The following POFUT3 variants were observed in gnomAD, a reference collection of about 807,000 sequenced individuals.
The protein encoded by POFUT3 is GDP-fucose protein O-fucosyltransferase 3.
chr8:33,326,970 G>T, the POFUT3 span, among the ~76,000 whole-genome samples: 1 of 152,188 alleles, frequency 6.6e-6, no homozygotes, highest in East Asian at 1.9e-4. Flanking sequence ...AGAGATAGGG[G>T]TCTCACTATG....
the POFUT3 span, among the ~76,000 whole-genome samples, chr8:33,329,793 G>A: frequency 3.1e-4 from 47 of 152,228 alleles, 1 homozygote; most frequent in African/African-American, 1.1e-3. Flanking sequence ...TCTTATAAAT[G>A]GGTCTTTCAT....
At chr8:33,335,809 C>T in the POFUT3 span, among the ~76,000 whole-genome samples, 35 of 152,014 alleles carry the variant, frequency 2.3e-4, no homozygotes, top group Non-Finnish European at 5.0e-4. Flanking sequence ...AATATATTTA[C>T]TATTTATTAA....
the POFUT3 span, among the ~76,000 whole-genome samples, chr8:33,383,966 A>T: frequency 1.3e-5 from 2 of 152,046 alleles, no homozygotes; most frequent in Non-Finnish European, 2.9e-5. Flanking sequence ...AAAACAGATA[A>T]ATCATGGTAG....
At chr8:33,361,511 T>A in the POFUT3 span, 2 of 152,218 alleles carry the variant, frequency 1.3e-5, no homozygotes, top group Non-Finnish European at 2.9e-5. Context: ...TTCTATCATA[T>A]GAGGCGTCCA....
At chr8:33,452,233 C>T in the POFUT3 span, 1 of 152,022 alleles carries the variant, frequency 6.6e-6, no homozygotes, top group Non-Finnish European at 1.5e-5. Flanking sequence ...CTAACAATAA[C>T]ATAAACAATG....
chr8:33,404,560 G>C, the POFUT3 span, among the ~76,000 whole-genome samples: 1 of 152,038 alleles, frequency 6.6e-6, no homozygotes, highest in African/African-American at 2.4e-5. Context: ...GAACAAAACA[G>C]GTCTGCCTGC....
chr8:33,430,444 G>A, the POFUT3 span, among the ~76,000 whole-genome samples: 1 of 152,016 alleles, frequency 6.6e-6, no homozygotes, highest in Non-Finnish European at 1.5e-5. Context: ...GCAAACTGCT[G>A]AACATCATGT....
At chr8:33,387,388 A>G in the POFUT3 span, among the ~76,000 whole-genome samples, 4 of 152,228 alleles carry the variant, frequency 2.6e-5, no homozygotes, top group Non-Finnish European at 5.9e-5. Flanking sequence ...AGAGCCCCAT[A>G]TGGTATACAT....
the POFUT3 span, among the ~76,000 whole-genome samples, chr8:33,379,148 G>A: frequency 5.9e-5 from 9 of 151,670 alleles, no homozygotes; most frequent in East Asian, 1.4e-3. Context: ...TTTGCTTTTC[G>A]CCATGATTGT....
the POFUT3 span, among the ~76,000 whole-genome samples, chr8:33,356,475 GA>G: frequency 6.6e-6 from 1 of 151,968 alleles, no homozygotes; most frequent in Non-Finnish European, 1.5e-5. Flanking sequence ...GTCTTCTTTT[GA>G]GAAGTGTCTG....
the POFUT3 span, among the ~76,000 whole-genome samples, chr8:33,336,365 T>C: frequency 6.6e-6 from 1 of 152,238 alleles, no homozygotes; most frequent in African/African-American, 2.4e-5. Flanking sequence ...GGATAGGTAC[T>C]GGAAAATTAT....
the POFUT3 span, among the ~76,000 whole-genome samples, chr8:33,353,134 C>G: frequency 2.0e-5 from 3 of 152,212 alleles, no homozygotes; most frequent in South Asian, 6.2e-4. Flanking sequence ...AAACTCAACT[C>G]CACCATATTC....
At chr8:33,428,410 T>C in the POFUT3 span, among the ~76,000 whole-genome samples, 1 of 152,224 alleles carries the variant, frequency 6.6e-6, no homozygotes, top group Non-Finnish European at 1.5e-5. Context: ...TATAATTTTA[T>C]AGGAAAGACC....
chr8:33,392,508 C>T, the POFUT3 span, among the ~76,000 whole-genome samples: 60 of 151,874 alleles, frequency 4.0e-4, no homozygotes, highest in African/African-American at 1.0e-3. Flanking sequence ...GAACTGGGGA[C>T]GCAGAGGTTG....
chr8:33,455,625 A>C, the POFUT3 span: 37 of 284,012 alleles, frequency 1.3e-4, no homozygotes, highest in Non-Finnish European at 2.4e-4. Flanking sequence ...CTGAAAGTTT[A>C]GTAGACTATG....
the POFUT3 span, among the ~76,000 whole-genome samples, chr8:33,381,242 TTGTC>T: frequency 5.3e-5 from 8 of 152,196 alleles, no homozygotes; most frequent in East Asian, 1.5e-3. Context: ...TTAAGACAGA[TTGTC>T]TGTTTTGTTC....
the POFUT3 span, among the ~76,000 whole-genome samples, chr8:33,368,539 G>A: frequency 3.9e-5 from 6 of 152,300 alleles, no homozygotes; most frequent in South Asian, 1.2e-3. Flanking sequence ...GAGAAAGGCT[G>A]CTCAGGCTCC....
chr8:33,389,912 T>G, the POFUT3 span: 1 of 749,644 alleles, frequency 1.3e-6, no homozygotes, highest in South Asian at 1.8e-5. Context: ...AAGAAGCATG[T>G]GGCCGGGCAC....
the POFUT3 span, among the ~76,000 whole-genome samples, chr8:33,470,990 T>C: frequency 1.3e-5 from 2 of 152,146 alleles, no homozygotes; most frequent in Non-Finnish European, 2.9e-5. Context: ...AGGTTTAGGA[T>C]TACTTTATCT....
Sources: gnomAD v4.1 joint callset for allele counts (sites outside exome capture counted in the v4.1 genomes callset) on GRCh38, gnomAD v4.1.1 for gene constraint, MANE v1.5 for transcripts, NCBI Gene and HGNC (gene_info 2026-07-23, HGNC 2026-07-21) for gene names.